Variants in LDB2 observed in about 807,000 individuals in gnomAD.
The protein encoded by LDB2 is LIM domain binding 2, also known as LIM domain-binding protein 2.
In LDB2, 12 loss-of-function variants were observed where a neutral mutation model predicts 44.3. The observed-to-expected ratio is 0.27, with a 90% CI of 0.17 to 0.44. LDB2 has a LOEUF of 0.44. LDB2 is among the 20% of genes least tolerant of loss of function. LDB2 has a pLI of 1.00. For missense variants in LDB2, 344 were observed against 473.5 expected (o/e 0.73, Z 2.54); for synonymous variants, 164 against 174.8 (o/e 0.94, Z 0.49).
In LDB2 at chr4:16,839,063, G is replaced by A. The variant is rs560239896; in HGVS notation, c.132+59291C>T. On this transcript the variant is annotated intron_variant, in intron 1 of 7. Transcript: ENST00000304523. Reference sequence around the variant, plus strand: ...GCACCAACAATGAAAGACAAAGAAAGGAGAGGGGAATGAAACTATTTTTTA... The same window carrying A: ...GCACCAACAATGAAAGACAAAGAAAAGAGAGGGGAATGAAACTATTTTTTA... 1.9e-3 allele frequency among the ~76,000 whole-genome samples: 282 copies of A among 152,300 alleles called. 1 individual carries two copies. Among genetic ancestry groups the A allele is most frequent in the Middle Eastern group, 3.4e-3 (1 of 294 alleles).
At chr4:16,836,774 T>A (rs1297455798) in intron 1 of LDB2, among the ~76,000 whole-genome samples, 1 of 152,130 alleles carries the variant, frequency 6.6e-6, no homozygotes, top group Non-Finnish European at 1.5e-5. Context: ...AAAGTATTTC[T>A]GCTTTAAAAA....
chr4:16,619,074 G>A (rs956193985), intron 2 of LDB2, among the ~76,000 whole-genome samples: 4 of 152,178 alleles, frequency 2.6e-5, no homozygotes, highest in Admixed American at 6.5e-5. Flanking sequence ...TGAACCATGA[G>A]CCAATTAAAC....
At chr4:16,875,508 T>A (rs1052667281) in intron 1 of LDB2, among the ~76,000 whole-genome samples, 12 of 152,196 alleles carry the variant, frequency 7.9e-5, no homozygotes, top group African/African-American at 2.9e-4. Flanking sequence ...TTACTTAAAA[T>A]TATTTTTAAA....
intron 2 of LDB2, among the ~76,000 whole-genome samples, chr4:16,745,559 G>C (rs1467359970): frequency 6.6e-6 from 1 of 152,174 alleles, no homozygotes; most frequent in Non-Finnish European, 1.5e-5. Flanking sequence ...CAGCAACAAG[G>C]ACTTGGAAGG....
At chr4:16,783,749 T>C (rs1432605470) in intron 1 of LDB2, among the ~76,000 whole-genome samples, 1 of 152,222 alleles carries the variant, frequency 6.6e-6, no homozygotes, top group African/African-American at 2.4e-5. Context: ...ATGGCCAAAG[T>C]GCCCCTTGAT....
intron 1 of LDB2, among the ~76,000 whole-genome samples, chr4:16,781,003 G>C (rs1198238123): frequency 1.3e-5 from 2 of 152,044 alleles, no homozygotes; most frequent in Non-Finnish European, 2.9e-5. Flanking sequence ...GGCATCTCTG[G>C]GGTTTAGGGT....
intron 1 of LDB2, among the ~76,000 whole-genome samples, chr4:16,791,333 G>A (rs537264343): frequency 5.9e-5 from 9 of 151,956 alleles, no homozygotes; most frequent in Non-Finnish European, 1.2e-4. Flanking sequence ...AAGGTGGGTG[G>A]ATCATGAGGT....
intron 2 of LDB2, among the ~76,000 whole-genome samples, chr4:16,737,068 G>C (rs1340499885): frequency 1.3e-5 from 2 of 151,988 alleles, no homozygotes; most frequent in Non-Finnish European, 2.9e-5. Flanking sequence ...TATTTTTTTT[G>C]TAACAATAAC....
At chr4:16,826,807 CA>C (rs199960979) in intron 1 of LDB2, among the ~76,000 whole-genome samples, 45 of 133,910 alleles carry the variant, frequency 3.4e-4, no homozygotes, top group African/African-American at 5.0e-4. Flanking sequence ...AAGGGCAGAA[CA>C]AAAAAAAAAG....
intron 2 of LDB2, among the ~76,000 whole-genome samples, chr4:16,634,854 C>A (rs924372371): frequency 6.6e-6 from 1 of 152,116 alleles, no homozygotes; most frequent in Non-Finnish European, 1.5e-5. Flanking sequence ...ATGTTTATTG[C>A]AGCATTATTC....
rs148548752 is a variant in LDB2 at position 16,669,690 on chromosome 4, T to C, written c.236-73815A>G. Among the ~76,000 whole-genome samples, 220 of 152,366 alleles carry C rather than the reference T, an allele frequency of 1.4e-3. 1 individual carries two copies. The highest frequency in any genetic ancestry group is 5.0e-3 in the African/African-American group (208 of 41,590). On this transcript the variant is annotated intron_variant, in intron 2 of 7. Transcript: ENST00000304523. The stretch of plus-strand genomic sequence containing the variant: ...TAATTTGTCTAAGATCACATACTAA[T>C]TAGTGACAGAGCCAGAATTCTAATC...
intron 7 of LDB2, among the ~76,000 whole-genome samples, chr4:16,508,176 G>A (rs1195880642): frequency 2.0e-5 from 3 of 152,180 alleles, no homozygotes; most frequent in African/African-American, 7.2e-5. Context: ...TGGAGCACAG[G>A]GTCTCCAATG....
At chr4:16,569,667 C>T (rs1179766375) in intron 5 of LDB2, among the ~76,000 whole-genome samples, 1 of 152,182 alleles carries the variant, frequency 6.6e-6, no homozygotes, top group Non-Finnish European at 1.5e-5. Context: ...TCCCTCCATC[C>T]ATCCATCCAT....
rs140557435 is a variant in LDB2, at chr4:16,700,004, A to G, written c.235+59154T>C. ...CCTTATCTGAAATGTTTGGGGCCAG[A>G]TGTGTTTAGGATGTCAGATTTTTTT... On this transcript the variant is annotated intron_variant, in intron 2 of 7. Coordinates refer to ENST00000304523, the MANE Select transcript of LDB2 (RefSeq NM_001290.5). Among the ~76,000 whole-genome samples the G allele has an allele frequency of 7.2e-3, 1,089 of 152,294 alleles. 4 individuals are homozygous for G. The highest frequency in any genetic ancestry group is 0.013 in the Non-Finnish European group (873 of 68,028).
At chr4:16,506,161 A>G (rs1034540648) in intron 7 of LDB2, 3 of 566,382 alleles carry the variant, frequency 5.3e-6, no homozygotes, top group African/African-American at 1.9e-5. Flanking sequence ...TAGTGTTGAT[A>G]ACTCAGTAGA....
chr4:16,792,456 A>T (rs1251345428), intron 1 of LDB2, among the ~76,000 whole-genome samples: 2 of 152,236 alleles, frequency 1.3e-5, no homozygotes, highest in Non-Finnish European at 2.9e-5. Flanking sequence ...ATGTAATTGT[A>T]TCACACAGGA....
intron 2 of LDB2, among the ~76,000 whole-genome samples, chr4:16,660,963 T>A (rs921726906): frequency 2.0e-5 from 3 of 152,186 alleles, no homozygotes; most frequent in African/African-American, 4.8e-5. Flanking sequence ...GGGAATACGT[T>A]CACATGAGAG....
intron 2 of LDB2, among the ~76,000 whole-genome samples, chr4:16,625,049 G>A (rs529625294): frequency 2.0e-5 from 3 of 152,140 alleles, no homozygotes; most frequent in East Asian, 3.9e-4. Context: ...TCCTTAATGT[G>A]ACTTGCAAGG....
intron 1 of LDB2, among the ~76,000 whole-genome samples, chr4:16,783,177 G>A (rs1773673976): frequency 6.6e-6 from 1 of 152,232 alleles, no homozygotes; most frequent in Non-Finnish European, 1.5e-5. Flanking sequence ...AGAAGCAGGG[G>A]CCTAGGGGTA....
Sources: allele counts gnomAD v4.1 joint callset (sites outside exome capture counted in the v4.1 genomes callset), GRCh38; gene constraint gnomAD v4.1.1; transcripts MANE v1.5; gene names NCBI Gene and HGNC (gene_info 2026-07-23, HGNC 2026-07-21).